Variants in GMDS observed in about 807,000 individuals in gnomAD.
The protein encoded by GMDS is GDP-mannose 4,6 dehydratase.
A neutral mutation model predicts 49.9 loss-of-function variants in GMDS; 20 were observed. That is an observed-to-expected ratio of 0.40 (90% CI 0.28 to 0.58). The LOEUF (loss-of-function observed/expected upper bound fraction) is 0.58. GMDS is among the 20% of genes least tolerant of loss of function. GMDS has a pLI of 0.42. For missense variants in GMDS, 362 were observed against 481.4 expected (o/e 0.75, Z 2.32); for synonymous variants, 177 against 178.6 (o/e 0.99, Z 0.07).
chr6:1,910,772 T>C (rs1307293784), intron 7 of GMDS, among the ~76,000 whole-genome samples: 2 of 152,178 alleles, frequency 1.3e-5, no homozygotes, highest in Non-Finnish European at 2.9e-5. Context: ...CATCTAGAGA[T>C]AAATTCCACA....
chr6:1,644,614 C>T (rs1479810838), intron 9 of GMDS, among the ~76,000 whole-genome samples: 12 of 152,174 alleles, frequency 7.9e-5, no homozygotes, highest in Admixed American at 6.5e-5. Context: ...AGCCAGGTAC[C>T]GTCCCACAGG....
intron 7 of GMDS, among the ~76,000 whole-genome samples, chr6:1,752,486 C>G (rs1325594627): frequency 6.6e-6 from 1 of 152,156 alleles, no homozygotes; most frequent in Non-Finnish European, 1.5e-5. Flanking sequence ...AGGAGAACTT[C>G]CCCAATCTAG....
chr6:2,000,514 A>G (rs1330093146), intron 4 of GMDS, among the ~76,000 whole-genome samples: 2 of 152,138 alleles, frequency 1.3e-5, no homozygotes, highest in Non-Finnish European at 2.9e-5. Context: ...CCTATTTTGG[A>G]CATTTCATGT....
At chr6:2,222,923 GT>G (rs1780656653) in intron 1 of GMDS, among the ~76,000 whole-genome samples, 1 of 152,108 alleles carries the variant, frequency 6.6e-6, no homozygotes, top group Non-Finnish European at 1.5e-5. Context: ...TACAATGTGA[GT>G]GGGCTTCATC....
At chr6:1,783,469 C>A (rs899689481) in intron 7 of GMDS, among the ~76,000 whole-genome samples, 4 of 152,162 alleles carry the variant, frequency 2.6e-5, no homozygotes, top group Admixed American at 1.3e-4. Flanking sequence ...TAATGCCTGA[C>A]TCAAGTATCA....
At chr6:1,937,470 G>A (rs1385967450) in intron 6 of GMDS, among the ~76,000 whole-genome samples, 5 of 152,246 alleles carry the variant, frequency 3.3e-5, no homozygotes, top group East Asian at 3.9e-4. Context: ...GGGTGGCTTC[G>A]AACAACCAAA....
intron 7 of GMDS, among the ~76,000 whole-genome samples, chr6:1,853,517 C>CAAA (rs34773610): frequency 5.1e-4 from 36 of 70,308 alleles, no homozygotes; most frequent in African/African-American, 1.0e-3. Context: ...GACTCCGTCT[C>CAAA]AAAAAAAAAA....
rs528807945 is a variant in GMDS at position 2,100,729 on chromosome 6, CAT to C, written c.345+15040_345+15041del. Among the ~76,000 whole-genome samples, 386 of 152,004 alleles carry C rather than the reference CAT, an allele frequency of 2.5e-3. 1 individual carries two copies. The highest frequency in any genetic ancestry group is 8.9e-3 in the African/African-American group (370 of 41,514). On this transcript the variant is annotated intron_variant, in intron 4 of 10. Coordinates refer to ENST00000380815, the MANE Select transcript of GMDS (RefSeq NM_001500.4). ...AGAGCTAATGTTAAAAAAACTCAAACATGTGATAGGGGCACTACACAAAATGT... is the reference window on the plus strand; with the variant it reads ...AGAGCTAATGTTAAAAAAACTCAAACGTGATAGGGGCACTACACAAAATGT...
At chr6:1,696,006 C>T (rs1765328052) in intron 9 of GMDS, among the ~76,000 whole-genome samples, 1 of 149,740 alleles carries the variant, frequency 6.7e-6, no homozygotes. Context: ...CCCACGTGGA[C>T]CAGCTTTGAC....
intron 7 of GMDS, among the ~76,000 whole-genome samples, chr6:1,750,701 C>A (rs1655645030): frequency 1.3e-5 from 2 of 151,982 alleles, no homozygotes; most frequent in Admixed American, 1.3e-4. Flanking sequence ...CCTAGTGGTG[C>A]CTAGAACACC....
intron 7 of GMDS, among the ~76,000 whole-genome samples, chr6:1,782,917 G>A (rs1342535087): frequency 6.6e-6 from 1 of 152,192 alleles, no homozygotes; most frequent in Non-Finnish European, 1.5e-5. Flanking sequence ...ACTTTCGGAG[G>A]CTGAGGTGGG....
intron 1 of GMDS, among the ~76,000 whole-genome samples, chr6:2,210,418 C>A (rs1362035462): frequency 6.6e-6 from 1 of 152,170 alleles, no homozygotes; most frequent in Non-Finnish European, 1.5e-5. Flanking sequence ...TTGTTAACTA[C>A]CAAGTTATCT....
At chr6:1,679,466 C>T (rs1333218111) in intron 9 of GMDS, 1 of 152,238 alleles carries the variant, frequency 6.6e-6, no homozygotes, top group Non-Finnish European at 1.5e-5. Flanking sequence ...ATCTTCACTG[C>T]CAGGCCAGGC....
intron 7 of GMDS, among the ~76,000 whole-genome samples, chr6:1,859,362 G>T (rs762224536): frequency 6.6e-6 from 1 of 152,050 alleles, no homozygotes; most frequent in Non-Finnish European, 1.5e-5. Flanking sequence ...CCTTCCACCA[G>T]GTAGAAAGTC....
intron 1 of GMDS, among the ~76,000 whole-genome samples, chr6:2,137,107 T>G (rs1051193515): frequency 6.6e-6 from 1 of 152,102 alleles, no homozygotes; most frequent in Non-Finnish European, 1.5e-5. Flanking sequence ...CTCTTCAAAT[T>G]CTAGTTTTTG....
intron 9 of GMDS, among the ~76,000 whole-genome samples, chr6:1,701,186 A>G (rs1299502623): frequency 6.6e-6 from 1 of 152,110 alleles, no homozygotes; most frequent in Non-Finnish European, 1.5e-5. Flanking sequence ...GAGTACATCA[A>G]TCTGTCCGAA....
At chr6:1,652,982 C>T (rs988674693) in intron 9 of GMDS, among the ~76,000 whole-genome samples, 5 of 150,872 alleles carry the variant, frequency 3.3e-5, no homozygotes, top group African/African-American at 9.8e-5. Context: ...TTTGGCCTTC[C>T]GGGCCACCTG....
At position 1,776,857 on chromosome 6, in the gene GMDS, C is replaced by T. The variant is rs118006886; in HGVS notation, c.772-34271G>A. Among the ~76,000 whole-genome samples, 33 of 152,214 alleles carry T rather than the reference C, an allele frequency of 2.2e-4. No individual in the cohort carries two copies. The East Asian group carries it at 5.8e-3, about 27-fold the overall frequency. ...CTGAAAGACCATTAAACAGGAAATG[C>T]GCAGATATACGGGTGAAGACTGACA... On this transcript the variant is annotated intron_variant, in intron 7 of 10. Transcript: ENST00000380815.
chr6:1,988,410 A>T (rs1414105093), intron 4 of GMDS, among the ~76,000 whole-genome samples: 1 of 151,636 alleles, frequency 6.6e-6, no homozygotes, highest in Non-Finnish European at 1.5e-5. Flanking sequence ...CCCCTTCTCC[A>T]GCCCAATCCC....
Sources: gnomAD v4.1 joint callset for allele counts (sites outside exome capture counted in the v4.1 genomes callset) on GRCh38, gnomAD v4.1.1 for gene constraint, MANE v1.5 for transcripts, NCBI Gene and HGNC (gene_info 2026-07-23, HGNC 2026-07-21) for gene names.